FGD3: variants seen among roughly 807,000 people sequenced by gnomAD.
The protein encoded by FGD3 is FYVE, RhoGEF and PH domain containing 3, also known as FYVE, RhoGEF and PH domain-containing protein 3.
FGD3 carries 45 observed loss-of-function variants against 71.8 expected under a neutral mutation model. That is an observed-to-expected ratio of 0.63 (90% CI 0.49 to 0.80). The LOEUF (loss-of-function observed/expected upper bound fraction) is 0.80. Among genes scored for constraint, FGD3 ranks in the 30% least tolerant of loss-of-function variants. The pLI is 0.00. For synonymous variants in FGD3, 378 were observed against 392.8 expected, an observed-to-expected ratio of 0.96 and a Z score of 0.44; for missense variants, 844 against 951.5, an observed-to-expected ratio of 0.89 and a Z score of 1.49.
chr9:92,963,201 G>A (rs1452342569), intron 1 of FGD3, among the ~76,000 whole-genome samples: 1 of 152,196 alleles, frequency 6.6e-6, no homozygotes, highest in African/African-American at 2.4e-5. Context: ...TACTTCACAG[G>A]GGCATGAAGG....
At chr9:92,988,121 T>C (rs1860259691) in intron 3 of FGD3, among the ~76,000 whole-genome samples, 1 of 152,080 alleles carries the variant, frequency 6.6e-6, no homozygotes, top group Non-Finnish European at 1.5e-5. Flanking sequence ...GGAGGGCGGA[T>C]TTATTAGACA....
At chr9:92,979,557 G>A (rs1026464868) in intron 3 of FGD3, among the ~76,000 whole-genome samples, 5 of 152,110 alleles carry the variant, frequency 3.3e-5, no homozygotes, top group Non-Finnish European at 5.9e-5. Flanking sequence ...ATATTGGCCC[G>A]TAGTTTTATT....
intron 6 of FGD3, among the ~76,000 whole-genome samples, 169 bp downstream of exon 6, chr9:93,006,349 C>T (rs1411616149): frequency 6.6e-6 from 1 of 152,118 alleles, no homozygotes; most frequent in South Asian, 2.1e-4. Context: ...GGGATGTGCC[C>T]AGATGTTCTG....
Position 93,022,341 on chromosome 9 carries a change from C to G in FGD3, c.1509C>G (p.Ser503Arg). Reference protein sequence around the residue: ...LSPDMPITSTSPVEPVVTTEG... With the variant: ...LSPDMPITSTRPVEPVVTTEG... ...GTCCCTTCTAGATCACGAGCACCAG[C>G]CCTGTGGAGCCTGTGGTGACCACCG... The change falls in exon 14 of 18, where the codon AGC (serine) becomes AGG (arginine). Residue 503 changes from serine (S) to arginine (R), a missense_variant. By Grantham distance (110) the Ser-to-Arg change is moderately radical. Coordinates refer to ENST00000375482, the MANE Select transcript of FGD3 (RefSeq NM_001083536.2). 6.2e-7 allele frequency: 1 copy of G among 1,612,298 alleles called. No individual in the cohort carries two copies. The highest frequency in any genetic ancestry group is 8.5e-7 in the Non-Finnish European group (1 of 1,179,290).
chr9:93,013,573 T>A (rs1861530256), intron 8 of FGD3, among the ~76,000 whole-genome samples: 1 of 152,144 alleles, frequency 6.6e-6, no homozygotes, highest in African/African-American at 2.4e-5. Context: ...CTCACCTCAC[T>A]AGGTGAGTTA....
At chr9:92,948,466 G>A (rs956978179) in intron 1 of FGD3, among the ~76,000 whole-genome samples, 1 of 152,154 alleles carries the variant, frequency 6.6e-6, no homozygotes, top group South Asian at 2.1e-4. Context: ...ATGTTGTCCC[G>A]GCTCTTTGAC....
At chr9:92,971,272 A>G (rs191787112) in intron 1 of FGD3, among the ~76,000 whole-genome samples, 5 of 152,158 alleles carry the variant, frequency 3.3e-5, no homozygotes, top group Admixed American at 6.5e-5. Context: ...AGTGTCCTTC[A>G]TTTGTTTTGG....
chr9:92,974,528 T>C (rs1043850989), intron 1 of FGD3: 1 of 152,238 alleles, frequency 6.6e-6, no homozygotes, highest in Non-Finnish European at 1.5e-5. Flanking sequence ...ACCATAGAGC[T>C]GGTCGGCATC....
intron 9 of FGD3, 195 bp from the exon 10 acceptor site, chr9:93,015,542 A>G: frequency 2.3e-6 from 1 of 434,568 alleles, no homozygotes; most frequent in Non-Finnish European, 4.1e-6. Context: ...ATGAACAAAA[A>G]TAAAGCTAGC....
intron 14 of FGD3, among the ~76,000 whole-genome samples, chr9:93,023,993 G>A (rs1224721474): frequency 1.3e-5 from 2 of 151,894 alleles, no homozygotes; most frequent in East Asian, 3.9e-4. Flanking sequence ...AGTAGAGACG[G>A]GGTTTCACCA....
At position 93,034,695 on chromosome 9, in the gene FGD3, C is replaced by T. The variant is rs754231077; in HGVS notation, c.1926+14C>T. On this transcript the variant is annotated intron_variant, in intron 17 of 17. Transcript: ENST00000375482. ...GGAGGCAGCCAGGTACGTGTCCCCA[C>T]CCCACCAGGCCCTCAGGCCAGCAGC... 7 of 1,608,948 alleles carry T rather than the reference C, an allele frequency of 4.4e-6. No homozygotes were observed. In the Admixed American group the frequency reaches 8.4e-5, roughly 19 times the overall value.
At chr9:92,956,834 CTTTCT>C (rs1307239789) in intron 1 of FGD3, among the ~76,000 whole-genome samples, 1 of 127,748 alleles carries the variant, frequency 7.8e-6, no homozygotes, top group Non-Finnish European at 1.6e-5. Context: ...TAATTGCTTT[CTTTCT>C]TTTTTTTTTT....
At chr9:92,948,667 C>G (rs928109310) in intron 1 of FGD3, among the ~76,000 whole-genome samples, 3 of 152,236 alleles carry the variant, frequency 2.0e-5, no homozygotes, top group African/African-American at 7.2e-5. Context: ...AGGATGACAG[C>G]AAACTCCAGC....
intron 13 of FGD3, chr9:93,020,703 T>G: frequency 2.5e-6 from 1 of 395,592 alleles, no homozygotes; most frequent in Non-Finnish European, 4.7e-6. Context: ...TGTGCTGCTG[T>G]GTGGTTGGAG....
intron 1 of FGD3, among the ~76,000 whole-genome samples, chr9:92,963,218 A>G (rs944649712): frequency 2.0e-5 from 3 of 152,234 alleles, no homozygotes; most frequent in African/African-American, 4.8e-5. Context: ...AAGGGGCCCA[A>G]TGAGTAACCA....
At chr9:93,027,715 C>CTT (rs1199094054) in intron 14 of FGD3, among the ~76,000 whole-genome samples, 1,025 of 101,942 alleles carry the variant, frequency 0.01, 26 homozygotes, top group African/African-American at 0.016. Flanking sequence ...TTCTTTCTTT[C>CTT]TTTTTTTTTT....
chr9:92,991,770 G>A (rs528046470), intron 3 of FGD3, among the ~76,000 whole-genome samples: 2 of 152,192 alleles, frequency 1.3e-5, no homozygotes, highest in Non-Finnish European at 2.9e-5. Context: ...AACCACTATT[G>A]TATTGGAGGT....
intron 10 of FGD3, 111 bp downstream of exon 10, chr9:93,015,940 C>A: frequency 1.1e-6 from 1 of 921,962 alleles, no homozygotes; most frequent in East Asian, 2.5e-5. Context: ...GCCTGGCACC[C>A]CTACCTGCTT....
At position 92,962,557 on chromosome 9, in the gene FGD3, C is replaced by T. The variant is rs117435860; in HGVS notation, c.-217-12681C>T. On this transcript the variant is annotated intron_variant, in intron 1 of 17. Transcript: ENST00000375482. ...GTGGCTGGGATCCCTTGAGTACCTACCATAGGCAAAGCCCTCATTTCTCAC... is the reference window on the plus strand; with the variant it reads ...GTGGCTGGGATCCCTTGAGTACCTATCATAGGCAAAGCCCTCATTTCTCAC... 5.5e-3 allele frequency among the ~76,000 whole-genome samples: 841 copies of T among 152,350 alleles called. 4 individuals are homozygous for T. Among genetic ancestry groups the T allele is most frequent in the Non-Finnish European group, 7.1e-3 (485 of 68,024 alleles).
Sources: allele counts gnomAD v4.1 joint callset (sites outside exome capture counted in the v4.1 genomes callset), GRCh38; gene constraint gnomAD v4.1.1; transcripts MANE v1.5; gene names NCBI Gene and HGNC (gene_info 2026-07-23, HGNC 2026-07-21).